Variants in CDC20B observed in about 807,000 individuals in gnomAD.
CDC20B encodes cell division cycle protein 20 homolog B.
A neutral mutation model predicts 64.1 loss-of-function variants in CDC20B; 58 were observed. That is an observed-to-expected ratio of 0.90 (90% confidence interval 0.73 to 1.13). The LOEUF (loss-of-function observed/expected upper bound fraction) is 1.13, where lower values mean the gene tolerates loss of function less well. CDC20B is among the 50% of genes most tolerant of loss of function. The pLI is 0.00. For missense variants in CDC20B, 597 were observed against 633.0 expected (o/e 0.94, Z 0.61); for synonymous variants, 243 against 230.6 (o/e 1.05, Z -0.49).
At chr5:55,116,110 A>G (rs975459316) in intron 11 of CDC20B, among the ~76,000 whole-genome samples, 5 of 152,230 alleles carry the variant, frequency 3.3e-5, no homozygotes, top group Admixed American at 3.3e-4. Context: ...ATCCAATTCA[A>G]TGCTGTGACT....
chr5:55,159,090 C>T (rs944969500), intron 2 of CDC20B, among the ~76,000 whole-genome samples: 1 of 152,208 alleles, frequency 6.6e-6, no homozygotes, highest in African/African-American at 2.4e-5. Flanking sequence ...AAACACGACT[C>T]ACTGCAGCCT....
intron 5 of CDC20B, among the ~76,000 whole-genome samples, chr5:55,139,294 C>G (rs1373868937): frequency 6.6e-6 from 1 of 152,118 alleles, no homozygotes; most frequent in Non-Finnish European, 1.5e-5. Context: ...ATAAGGACAT[C>G]TTCAGACCAG....
intron 2 of CDC20B, among the ~76,000 whole-genome samples, chr5:55,171,275 T>A (rs970511605): frequency 2.0e-5 from 3 of 152,200 alleles, no homozygotes; most frequent in Admixed American, 6.5e-5. Context: ...ATTGCACCAC[T>A]GCACTCCAAC....
chr5:55,123,578 T>C (rs1742806739), intron 9 of CDC20B, among the ~76,000 whole-genome samples: 2 of 152,172 alleles, frequency 1.3e-5, no homozygotes, highest in Non-Finnish European at 2.9e-5. Flanking sequence ...TGTTCAGTGA[T>C]TCCCCAGGTG....
chr5:55,135,046 T>C (rs376160250), intron 5 of CDC20B, among the ~76,000 whole-genome samples: 13 of 152,194 alleles, frequency 8.5e-5, no homozygotes, highest in African/African-American at 3.1e-4. Flanking sequence ...GGACTTTTGG[T>C]GACCATGATG....
chr5:55,118,756 G>A (rs1241745891), intron 11 of CDC20B, among the ~76,000 whole-genome samples: 1 of 152,190 alleles, frequency 6.6e-6, no homozygotes, highest in Non-Finnish European at 1.5e-5. Flanking sequence ...GCCACAGAGT[G>A]TGACAGCTGA....
At position 55,124,998 on chromosome 5, in the gene CDC20B, G is replaced by T. The variant is rs369948168; in HGVS notation, c.1020C>A (p.His340Gln). Residue 340 changes from histidine to glutamine, a missense_variant, in exon 9 of 12, where the codon CAC (histidine) becomes CAA (glutamine). His to Gln is a conservative substitution (Grantham distance 24). Transcript: ENST00000381375. ...CATGATGCTGGGCTACCCGAACATC[G>T]TGATGATAAACACGCCCCAGTCTTG... is the stretch of plus-strand genomic sequence containing the variant. ...SGSRLGRVYH[H>Q]DVRVAQHHVG... 1.9e-5 allele frequency: 31 copies of T among 1,613,572 alleles called. No individual in the cohort carries two copies. Among genetic ancestry groups the T allele is most frequent in the Non-Finnish European group, 2.2e-5 (26 of 1,179,616 alleles).
In CDC20B at chr5:55,124,986, T is replaced by C. The variant is rs199582524; in HGVS notation, c.1032A>G (p.Val344=). The C allele has an allele frequency of 6.2e-7, 1 of 1,613,898 alleles. No individual in the cohort carries two copies. The highest frequency in any genetic ancestry group is 8.5e-7 in the Non-Finnish European group (1 of 1,179,762). Residue 344 remains valine, a synonymous_variant, in exon 9 of 12, where the codon GTA becomes GTG. Coordinates refer to ENST00000381375, the MANE Select transcript of CDC20B (RefSeq NM_001170402.1). ...GAAGTGTTCCAACATGATGCTGGGC[T>C]ACCCGAACATCGTGATGATAAACAC... ...LGRVYHHDVR[V]AQHHVGTLRH...
chr5:55,131,396 T>A (rs1391851336), intron 6 of CDC20B, among the ~76,000 whole-genome samples: 5 of 152,032 alleles, frequency 3.3e-5, no homozygotes, highest in Non-Finnish European at 7.4e-5. Flanking sequence ...AAAGAAAAGA[T>A]GTCCAAGGAA....
At chr5:55,146,596 A>C in intron 3 of CDC20B, 32 bp downstream of exon 3, 2 of 1,500,644 alleles carry the variant, frequency 1.3e-6, no homozygotes, top group Non-Finnish European at 1.9e-6. Flanking sequence ...TTCACGTTGC[A>C]AAACGGGGCT....
intron 2 of CDC20B, among the ~76,000 whole-genome samples, chr5:55,149,204 T>A (rs545072251): frequency 5.3e-5 from 8 of 152,330 alleles, no homozygotes; most frequent in African/African-American, 1.7e-4. Context: ...AGAATTTTTT[T>A]AATGGAAACT....
chr5:55,158,683 C>G (rs1026849751), intron 2 of CDC20B, among the ~76,000 whole-genome samples: 1 of 152,190 alleles, frequency 6.6e-6, no homozygotes, highest in African/African-American at 2.4e-5. Context: ...ACATCATGAT[C>G]AAATGGCATA....
In CDC20B at chr5:55,133,342, A is replaced by G. The variant is rs1327412530; in HGVS notation, c.697+70T>C. 5.7e-6 allele frequency: 4 copies of G among 696,306 alleles called. No individual in the cohort carries two copies. The East Asian group carries it at 1.1e-4, about 19-fold the overall frequency. The allele number at this position is 696,306 out of a possible 1,614,324, so 43.1% of individuals were successfully genotyped here. A position where few individuals can be genotyped will look rare whatever the true frequency, so the allele number is the denominator to read the frequency against. Reference sequence around the variant, plus strand: ...GGCCATCTGGTTTAATCAAATTTCAAGTTTATACCAGAGCACAGGATGCAT... The same window carrying G: ...GGCCATCTGGTTTAATCAAATTTCAGGTTTATACCAGAGCACAGGATGCAT... On this transcript the variant is annotated intron_variant, in intron 6 of 11. Coordinates refer to ENST00000381375, the MANE Select transcript of CDC20B (RefSeq NM_001170402.1).
intron 2 of CDC20B, chr5:55,166,035 T>C (rs1214286515): frequency 6.6e-6 from 1 of 152,250 alleles, no homozygotes; most frequent in East Asian, 1.9e-4. Flanking sequence ...CTAAGAAAAC[T>C]TATGCTCAGG....
At chr5:55,126,975 A>T (rs1004134872) in intron 8 of CDC20B, among the ~76,000 whole-genome samples, 13 of 152,220 alleles carry the variant, frequency 8.5e-5, no homozygotes, top group African/African-American at 3.1e-4. Context: ...CCTATTACTT[A>T]GCACAGAGAA....
chr5:55,159,777 T>C lies in CDC20B; in HGVS notation c.126+12811A>G, dbSNP rs145810338. 6.2e-3 allele frequency among the ~76,000 whole-genome samples: 945 copies of C among 152,338 alleles called. 10 individuals carry two copies. Among genetic ancestry groups the C allele is most frequent in the African/African-American group, 0.021 (874 of 41,570 alleles). On this transcript the variant is annotated intron_variant, in intron 2 of 11. Coordinates refer to ENST00000381375, the MANE Select transcript of CDC20B (RefSeq NM_001170402.1). ...CACCATATGAGTAGGTCACATTTAATCTACATTCTAAACTATTGCTGAGCA... is the reference window on the plus strand; with the variant it reads ...CACCATATGAGTAGGTCACATTTAACCTACATTCTAAACTATTGCTGAGCA...
In CDC20B at chr5:55,140,398, T is replaced by C. The variant is rs1176019666; in HGVS notation, c.496A>G (p.Lys166Glu). 1.2e-6 allele frequency: 2 copies of C among 1,611,412 alleles called. No homozygotes were observed. The highest frequency in any genetic ancestry group is 1.3e-5 in the African/African-American group (1 of 74,812). Residue 166 changes from lysine to glutamate, a missense_variant, in exon 5 of 12, where the codon AAA becomes GAA. Around this residue, in one of 3 missense-constraint regions of CDC20B, gnomAD observed 241 missense variants for 219.2 expected, o/e 1.10. Transcript: ENST00000381375. ...SVASKGQKCLKQLFVTQNVVQ... is the reference protein window; with the variant it reads ...SVASKGQKCLEQLFVTQNVVQ... Reference sequence around the variant, plus strand: ...ACGTTCTGGGTTACAAAGAGTTGTTTTAGGCATTTCTGAAAATAAACACAC... The same window carrying C: ...ACGTTCTGGGTTACAAAGAGTTGTTCTAGGCATTTCTGAAAATAAACACAC...
At chr5:55,162,205 G>T (rs1176234326) in intron 2 of CDC20B, among the ~76,000 whole-genome samples, 1 of 151,904 alleles carries the variant, frequency 6.6e-6, no homozygotes, top group Non-Finnish European at 1.5e-5. Flanking sequence ...AGACTAGCCT[G>T]GCCAATATGG....
intron 11 of CDC20B, 109 bp downstream of exon 11, chr5:55,119,690 ATG>A (rs1229348571): frequency 5.8e-6 from 4 of 684,136 alleles, no homozygotes; most frequent in African/African-American, 5.3e-5. Flanking sequence ...CTCTGATGAA[ATG>A]TGTACTTAGA....
Sources: allele counts gnomAD v4.1 joint callset (sites outside exome capture counted in the v4.1 genomes callset), GRCh38; gene constraint gnomAD v4.1.1; regional missense constraint gnomAD v4.1.1; transcripts MANE v1.5; gene names NCBI Gene and HGNC (gene_info 2026-07-23, HGNC 2026-07-21).